Variants in SDK1 observed in about 807,000 individuals in gnomAD.
SDK1 encodes the protein protein sidekick-1.
In SDK1, 157 loss-of-function variants were observed where a neutral mutation model predicts 245.5. That is an observed-to-expected ratio of 0.64 (90% CI 0.56 to 0.73). SDK1 has a LOEUF of 0.73. Ranked by LOEUF, SDK1 falls within the 30% of genes least tolerant of loss-of-function variation. SDK1 has a pLI of 0.00. For missense variants in SDK1, 3,583 were observed against 3,002.3 expected (o/e 1.19, Z -4.52); for synonymous variants, 1,647 against 1,278.5 (o/e 1.29, Z -6.15).
chr7:3,455,086 G>T (rs372886769), intron 1 of SDK1, among the ~76,000 whole-genome samples: 2 of 151,200 alleles, frequency 1.3e-5, no homozygotes, highest in African/African-American at 2.4e-5. Flanking sequence ...TACTGGTGTT[G>T]GATATCATAT....
intron 1 of SDK1, among the ~76,000 whole-genome samples, chr7:3,591,554 C>T (rs1237471357): frequency 2.6e-5 from 4 of 152,220 alleles, no homozygotes; most frequent in Admixed American, 2.6e-4. Flanking sequence ...AAACAAATTG[C>T]AGTAATCACT....
At chr7:3,983,977 A>G (rs1320902436) in intron 13 of SDK1, among the ~76,000 whole-genome samples, 1 of 152,198 alleles carries the variant, frequency 6.6e-6, no homozygotes, top group African/African-American at 2.4e-5. Flanking sequence ...CGCCTACACT[A>G]AACGCCTCAA....
chr7:4,161,344 G>A (rs776914884), intron 31 of SDK1, among the ~76,000 whole-genome samples: 3 of 152,122 alleles, frequency 2.0e-5, no homozygotes, highest in Non-Finnish European at 2.9e-5. Flanking sequence ...CAGCCTTTTA[G>A]TGTTTCAAAC....
chr7:3,622,453 C>A (rs991315225), intron 2 of SDK1, among the ~76,000 whole-genome samples: 7 of 152,154 alleles, frequency 4.6e-5, no homozygotes, highest in South Asian at 2.1e-4. Context: ...TGCACTCCAG[C>A]CTGGGCTACA....
Position 3,357,223 on chromosome 7 carries a change from C to T in SDK1, c.298+55339C>T, listed in dbSNP as rs140095708. Among the ~76,000 whole-genome samples the T allele has an allele frequency of 5.3e-3, 797 of 151,088 alleles. 6 individuals are homozygous for T. Among genetic ancestry groups the T allele is most frequent in the Middle Eastern group, 0.01 (3 of 294 alleles). ...GTCACATGATTTAATCTTCTAGAGA[C>T]TCTGGATGCTTCTGTTGTTGATGTA... On this transcript the variant is annotated intron_variant, in intron 1 of 44. Coordinates refer to ENST00000404826, the MANE Select transcript of SDK1 (RefSeq NM_152744.4).
chr7:4,175,881 T>A, intron 34 of SDK1, 47 bp downstream of exon 34: 1 of 1,548,642 alleles, frequency 6.5e-7, no homozygotes, highest in Non-Finnish European at 8.9e-7. Flanking sequence ...GCGCACACAC[T>A]GTGCCCAGAG....
At chr7:3,693,913 G>A (rs1410555691) in intron 4 of SDK1, among the ~76,000 whole-genome samples, 1 of 152,048 alleles carries the variant, frequency 6.6e-6, no homozygotes, top group Non-Finnish European at 1.5e-5. Context: ...CCTGACCTCT[G>A]CCCCAGGACT....
intron 5 of SDK1, among the ~76,000 whole-genome samples, chr7:3,913,884 A>C (rs1270309616): frequency 6.6e-6 from 1 of 152,204 alleles, no homozygotes; most frequent in East Asian, 1.9e-4. Context: ...AATAAAAATG[A>C]CTGGAGATGA....
intron 4 of SDK1, among the ~76,000 whole-genome samples, chr7:3,700,369 T>G (rs1326822516): frequency 6.6e-6 from 1 of 152,194 alleles, no homozygotes; most frequent in African/African-American, 2.4e-5. Context: ...AAGTATAACA[T>G]TGTCAAATGT....
At chr7:3,679,373 T>C (rs1784025639) in intron 4 of SDK1, among the ~76,000 whole-genome samples, 1 of 152,136 alleles carries the variant, frequency 6.6e-6, no homozygotes, top group Non-Finnish European at 1.5e-5. Flanking sequence ...GAGACCATCC[T>C]GGCTAACATG....
At chr7:3,368,903 A>T (rs1229601033) in intron 1 of SDK1, among the ~76,000 whole-genome samples, 1 of 152,210 alleles carries the variant, frequency 6.6e-6, no homozygotes, top group Non-Finnish European at 1.5e-5. Flanking sequence ...TATTATATAA[A>T]TAAAGAGCAA....
chr7:3,405,681 G>C (rs2128575362), intron 1 of SDK1, among the ~76,000 whole-genome samples: 1 of 152,284 alleles, frequency 6.6e-6, no homozygotes, highest in Non-Finnish European at 1.5e-5. Context: ...TTTAGCAATA[G>C]AGCTGACACA....
At chr7:3,604,014 G>T (rs1467192763) in intron 1 of SDK1, among the ~76,000 whole-genome samples, 1 of 152,146 alleles carries the variant, frequency 6.6e-6, no homozygotes, top group Non-Finnish European at 1.5e-5. Context: ...AACCAGCCTT[G>T]CATCCCAGGG....
At position 3,824,565 on chromosome 7, in the gene SDK1, C is replaced by T. The variant is rs79576273; in HGVS notation, c.847+2982C>T. On this transcript the variant is annotated intron_variant, in intron 5 of 44. Transcript: ENST00000404826. ...TCCGTTCCTTCCTTGAGGACAGCAC[C>T]GTGTTAGAGTGGAGCGGCAACCAGG... Among the ~76,000 whole-genome samples the T allele has an allele frequency of 7.6e-3, 1,156 of 152,200 alleles. 4 individuals are homozygous for T. The highest frequency in any genetic ancestry group is 0.013 in the Non-Finnish European group (882 of 68,020).
At chr7:3,779,214 A>G (rs1414395370) in intron 4 of SDK1, among the ~76,000 whole-genome samples, 2 of 152,204 alleles carry the variant, frequency 1.3e-5, no homozygotes, top group Non-Finnish European at 2.9e-5. Context: ...AATAAAATGA[A>G]TACAGAGCTG....
At chr7:3,342,569 CAA>C (rs1780376672) in intron 1 of SDK1, among the ~76,000 whole-genome samples, 1 of 150,596 alleles carries the variant, frequency 6.6e-6, no homozygotes. Flanking sequence ...GCCTAGGCAA[CAA>C]GAGCGAAACT....
chr7:4,134,045 C>T (rs191618292), intron 28 of SDK1, among the ~76,000 whole-genome samples: 12 of 152,252 alleles, frequency 7.9e-5, no homozygotes, highest in African/African-American at 1.7e-4. Context: ...GGGAAAGCTG[C>T]GCAATCAGAT....
chr7:3,673,113 G>C (rs183091751), intron 4 of SDK1, among the ~76,000 whole-genome samples: 1 of 151,956 alleles, frequency 6.6e-6, no homozygotes, highest in South Asian at 2.1e-4. Flanking sequence ...GTAAGGCAGC[G>C]GTTCCTCAAT....
At chr7:3,700,478 C>T (rs1224429103) in intron 4 of SDK1, among the ~76,000 whole-genome samples, 4 of 152,058 alleles carry the variant, frequency 2.6e-5, no homozygotes, top group Admixed American at 6.5e-5. Context: ...AACTGGTAAA[C>T]GTTGATACTA....
Sources: allele counts gnomAD v4.1 joint callset (sites outside exome capture counted in the v4.1 genomes callset), GRCh38; gene constraint gnomAD v4.1.1; transcripts MANE v1.5; gene names NCBI Gene and HGNC (gene_info 2026-07-23, HGNC 2026-07-21).